Variants in PRKAG2 observed in about 807,000 individuals in gnomAD.
The protein encoded by PRKAG2 is 5'-AMP-activated protein kinase subunit gamma-2.
Under a neutral mutation model 69.6 loss-of-function variants are expected in PRKAG2, and 26 were observed. The observed-to-expected ratio is 0.37, with a 90% CI of 0.27 to 0.52. The LOEUF is 0.52. Among genes scored for constraint, PRKAG2 ranks in the 20% least tolerant of loss-of-function variants. PRKAG2 has a pLI of 0.90. For synonymous variants in PRKAG2, 293 were observed against 285.0 expected, an observed-to-expected ratio of 1.03 and a Z score of -0.28; for missense variants, 557 against 740.0, an observed-to-expected ratio of 0.75 and a Z score of 2.87.
At chr7:151,813,820 C>T (rs1016345622) in intron 1 of PRKAG2, among the ~76,000 whole-genome samples, 1 of 152,222 alleles carries the variant, frequency 6.6e-6, no homozygotes, top group Non-Finnish European at 1.5e-5. Context: ...AAGCGTTGGG[C>T]TCCACGCTCC....
At chr7:151,595,618 T>C (rs1000563701) in intron 5 of PRKAG2, among the ~76,000 whole-genome samples, 164 bp from the exon 6 acceptor site, 5 of 152,092 alleles carry the variant, frequency 3.3e-5, no homozygotes, top group Admixed American at 2.6e-4. Context: ...ACTAATTCTA[T>C]GAACACTATA....
intron 1 of PRKAG2, among the ~76,000 whole-genome samples, chr7:151,855,146 A>ACACACACACCATCCTC (rs2079698815): frequency 1.9e-4 from 1 of 5,382 alleles, no homozygotes; most frequent in African/African-American, 2.0e-3. Flanking sequence ...ACACCACCCT[A>ACACACACACCATCCTC]CACACACACC....
chr7:151,786,363 G>T, intron 2 of PRKAG2, 107 bp downstream of exon 2: 4 of 1,108,420 alleles, frequency 3.6e-6, no homozygotes, highest in Non-Finnish European at 4.0e-6. Context: ...AAGCGGACAT[G>T]CGGGTGGGCG....
In PRKAG2 at chr7:151,636,768, G is replaced by A. The variant is rs188401733; in HGVS notation, c.685-4630C>T. Among the ~76,000 whole-genome samples the A allele has an allele frequency of 2.7e-3, 403 of 151,822 alleles. 2 individuals carry two copies. The highest frequency in any genetic ancestry group is 4.6e-3 in the Non-Finnish European group (310 of 67,796). On this transcript the variant is annotated intron_variant, in intron 4 of 15. Transcript: ENST00000287878. ...CACCCAGGCTGGAGTGCAGTAGCGC[G>A]ATTTCAGCTCACTGCAACCTCTGCC...
intron 8 of PRKAG2, among the ~76,000 whole-genome samples, chr7:151,574,586 T>A (rs1458136418): frequency 1.3e-5 from 2 of 152,206 alleles, no homozygotes; most frequent in Non-Finnish European, 2.9e-5. Context: ...TTACAGAACG[T>A]CTAGCTAATA....
intron 1 of PRKAG2, among the ~76,000 whole-genome samples, chr7:151,795,778 G>A (rs533555112): frequency 7.5e-5 from 11 of 146,678 alleles, no homozygotes; most frequent in South Asian, 4.3e-4. Flanking sequence ...CTTCTAGTCC[G>A]TCTGCCCAGT....
chr7:151,726,219 C>T (rs1307743661), intron 3 of PRKAG2, among the ~76,000 whole-genome samples: 2 of 152,238 alleles, frequency 1.3e-5, no homozygotes, highest in East Asian at 3.9e-4. Context: ...AGCAGAAATG[C>T]ATGCTGAGCC....
chr7:151,647,890 C>T (rs957005857), intron 4 of PRKAG2, among the ~76,000 whole-genome samples: 11 of 152,052 alleles, frequency 7.2e-5, no homozygotes, highest in Non-Finnish European at 1.5e-4. Flanking sequence ...AAAAATTAAG[C>T]GAGCAGGTCA....
At chr7:151,789,981 C>A (rs1447603352) in intron 1 of PRKAG2, among the ~76,000 whole-genome samples, 4 of 152,180 alleles carry the variant, frequency 2.6e-5, no homozygotes, top group Non-Finnish European at 5.9e-5. Flanking sequence ...TGTCATTTTC[C>A]AAACACAGCT....
At chr7:151,840,699 G>A (rs9648730) in intron 1 of PRKAG2, among the ~76,000 whole-genome samples, 66,948 of 152,096 alleles carry the variant, frequency 0.44, 14,922 homozygotes, top group Middle Eastern at 0.53. Context: ...CCGGACCTCC[G>A]TCGCCAGAGT....
chr7:151,697,079 G>A (rs375863776), intron 3 of PRKAG2, among the ~76,000 whole-genome samples: 1 of 152,034 alleles, frequency 6.6e-6, no homozygotes, highest in South Asian at 2.1e-4. Context: ...ATGGGGAAGG[G>A]GTGTGTAGCC....
In PRKAG2 at chr7:151,565,712, A is replaced by C. The variant is rs750475269; in HGVS notation, c.1399+8T>G. 1 of 1,612,128 alleles carries C rather than the reference A, an allele frequency of 6.2e-7. No homozygotes were observed. The highest frequency in any genetic ancestry group is 1.1e-5 in the South Asian group (1 of 91,052). ...TTATTTCTGCCTGTCAGCGCCAAACACACAAACCTGACTCATCCACAACAG... is the reference window on the plus strand; with the variant it reads ...TTATTTCTGCCTGTCAGCGCCAAACCCACAAACCTGACTCATCCACAACAG... On this transcript the variant is annotated splice_region_variant and intron_variant, in intron 12 of 15. Coordinates refer to ENST00000287878, the MANE Select transcript of PRKAG2 (RefSeq NM_016203.4).
intron 3 of PRKAG2, among the ~76,000 whole-genome samples, chr7:151,694,250 G>C (rs1563448717): frequency 6.6e-6 from 1 of 152,216 alleles, no homozygotes; most frequent in Non-Finnish European, 1.5e-5. Context: ...CGCTGAGTTA[G>C]CTAATTTGTT....
chr7:151,570,448 A>C (rs1807276713), intron 9 of PRKAG2, among the ~76,000 whole-genome samples: 1 of 152,234 alleles, frequency 6.6e-6, no homozygotes, highest in Non-Finnish European at 1.5e-5. Flanking sequence ...GAAAAATTAA[A>C]TATTAAAAAA....
chr7:151,845,835 G>A (rs1015443531), intron 1 of PRKAG2, among the ~76,000 whole-genome samples: 85 of 152,236 alleles, frequency 5.6e-4, no homozygotes, highest in African/African-American at 1.9e-3. Context: ...GAGCCACCAG[G>A]AATAATTCTT....
chr7:151,739,320 A>C (rs1220125331), intron 3 of PRKAG2, among the ~76,000 whole-genome samples: 1 of 152,214 alleles, frequency 6.6e-6, no homozygotes, highest in Middle Eastern at 3.2e-3. Flanking sequence ...GCCGATCAAG[A>C]AACTATGGTC....
chr7:151,795,056 C>T (rs2077430966), intron 1 of PRKAG2, among the ~76,000 whole-genome samples: 1 of 152,064 alleles, frequency 6.6e-6, no homozygotes, highest in South Asian at 2.1e-4. Context: ...AGTTCAGGGC[C>T]CCAGGGCAGC....
At chr7:151,648,404 C>CGGG (rs1827914130) in intron 4 of PRKAG2, among the ~76,000 whole-genome samples, 1 of 152,200 alleles carries the variant, frequency 6.6e-6, no homozygotes, top group Non-Finnish European at 1.5e-5. Context: ...CCGTGGTCCT[C>CGGG]ATGCCCCCTG....
intron 5 of PRKAG2, among the ~76,000 whole-genome samples, chr7:151,595,964 G>T (rs894608025): frequency 2.6e-5 from 4 of 152,060 alleles, no homozygotes; most frequent in African/African-American, 9.7e-5. Context: ...GAGCCCAGGA[G>T]TTCGAGACCA....
Sources: gnomAD v4.1 joint callset for allele counts (sites outside exome capture counted in the v4.1 genomes callset) on GRCh38, gnomAD v4.1.1 for gene constraint, MANE v1.5 for transcripts, NCBI Gene and HGNC (gene_info 2026-07-23, HGNC 2026-07-21) for gene names.